The following GALK2 variants were observed in gnomAD, a reference collection of about 807,000 sequenced individuals.
The protein encoded by GALK2 is galactokinase 2.
In GALK2, 36 loss-of-function variants were observed where a neutral mutation model predicts 52.4. The observed-to-expected ratio is 0.69, with a 90% CI of 0.53 to 0.91. The LOEUF (loss-of-function observed/expected upper bound fraction) is 0.91. GALK2 is among the 40% of genes least tolerant of loss of function. The pLI is 0.00. For synonymous variants in GALK2, 176 were observed against 199.1 expected (o/e 0.88, Z 0.98); for missense variants, 579 against 559.1 (o/e 1.04, Z -0.36).
chr15:49,305,257 A>G (rs956281221), intron 8 of GALK2, among the ~76,000 whole-genome samples: 25 of 152,134 alleles, frequency 1.6e-4, no homozygotes, highest in Admixed American at 1.3e-4. Flanking sequence ...AAAAATAATG[A>G]CCTATTGTAT....
At chr15:49,266,331 T>A (rs1182717369) in intron 5 of GALK2, among the ~76,000 whole-genome samples, 2 of 152,110 alleles carry the variant, frequency 1.3e-5, no homozygotes, top group Non-Finnish European at 2.9e-5. Context: ...GAAACAGATT[T>A]CATCTTTTGA....
intron 4 of GALK2, among the ~76,000 whole-genome samples, chr15:49,236,260 G>A (rs2090800834): frequency 6.6e-6 from 1 of 152,076 alleles, no homozygotes; most frequent in Non-Finnish European, 1.5e-5. Context: ...TTATACTTGG[G>A]ATGTATAGGG....
At chr15:49,289,018 C>T (rs1011926759) in intron 7 of GALK2, among the ~76,000 whole-genome samples, 1 of 152,228 alleles carries the variant, frequency 6.6e-6, no homozygotes, top group Admixed American at 6.5e-5. Flanking sequence ...TGACTACCTC[C>T]TGACCTCAGT....
intron 9 of GALK2, chr15:49,327,387 C>CAA (rs2037694299): frequency 6.6e-6 from 1 of 152,182 alleles, no homozygotes; most frequent in Non-Finnish European, 1.5e-5. Flanking sequence ...TTTAATAACA[C>CAA]GCTTTTTGTT....
Position 49,217,230 on chromosome 15 carries a change from G to A in GALK2, c.183G>A (p.Met61Ile). 1.2e-6 allele frequency: 2 copies of A among 1,611,414 alleles called. No homozygotes were observed. The highest frequency in any genetic ancestry group is 1.7e-6 in the Non-Finnish European group (2 of 1,177,650). ...IDYCGYSVLP[M>I]AVEQDVLIAV... Reference sequence around the variant, plus strand: ...ATTGTGGATATTCTGTTCTTCCTATGGCTGTAGAACAAGATGTGCTAATAG... The same window carrying A: ...ATTGTGGATATTCTGTTCTTCCTATAGCTGTAGAACAAGATGTGCTAATAG... The change falls in exon 3 of 10, where the codon ATG (methionine) becomes ATA (isoleucine). Residue 61 changes from methionine (M) to isoleucine (I), a missense_variant. Coordinates refer to ENST00000560031, the MANE Select transcript of GALK2 (RefSeq NM_002044.4).
intron 8 of GALK2, among the ~76,000 whole-genome samples, chr15:49,295,693 C>T (rs932372302): frequency 3.3e-5 from 5 of 152,192 alleles, no homozygotes; most frequent in African/African-American, 1.2e-4. Context: ...GACCATTCCA[C>T]TTACTAATTG....
Position 49,178,195 on chromosome 15 carries a change from CTATATATATATA to C in GALK2, c.53+7841_53+7852del, listed in dbSNP as rs71120671. Among the ~76,000 whole-genome samples the C allele has an allele frequency of 1.3e-3, 67 of 50,528 alleles. 3 individuals are homozygous for C. The Admixed American group carries it at 0.014, about 10-fold the overall frequency. 33.1% of individuals were successfully genotyped at this position (50,528 alleles called of 152,430 possible). On this transcript the variant is annotated intron_variant, in intron 1 of 9. Coordinates refer to ENST00000560031, the MANE Select transcript of GALK2 (RefSeq NM_002044.4). ...AAAAAAAAAAAAAAAAAAAGAAATA[CTATATATATATA>C]TATATATATATATATATATAGAAAT...
intron 3 of GALK2, among the ~76,000 whole-genome samples, chr15:49,358,643 G>A (rs1446550611): frequency 4.0e-5 from 6 of 149,498 alleles, no homozygotes; most frequent in South Asian, 2.1e-4. Context: ...AATCAATATC[G>A]TGAAAATGGC....
At chr15:49,313,529 G>C (rs570001795) in intron 8 of GALK2, among the ~76,000 whole-genome samples, 1 of 152,304 alleles carries the variant, frequency 6.6e-6, no homozygotes, top group South Asian at 2.1e-4. Flanking sequence ...TCCCCAGCAA[G>C]CCCTGTCTTC....
rs114677835 is a variant in GALK2, at chr15:49,350,900, C to G, written c.427-16591C>G. 5.6e-3 allele frequency among the ~76,000 whole-genome samples: 853 copies of G among 152,284 alleles called. 6 individuals are homozygous for G. Among genetic ancestry groups the G allele is most frequent in the African/African-American group, 0.02 (812 of 41,570 alleles). ...AGACTGCTGATAGGCTCATCCTAAT[C>G]CACTGCATGGAACAGCTTTCCCCGT... On this transcript the variant is annotated intron_variant, in intron 3 of 3. Coordinates refer to the GALK2 transcript ENST00000558399.
intron 2 of GALK2, among the ~76,000 whole-genome samples, chr15:49,209,643 T>A (rs144031094): frequency 6.6e-6 from 1 of 152,330 alleles, no homozygotes; most frequent in Non-Finnish European, 1.5e-5. Context: ...ATTTTTGGAT[T>A]TGTGTATGTT....
chr15:49,340,091 TCCCTGGCTTCTGCC>T (rs551604939), intron 3 of GALK2, among the ~76,000 whole-genome samples: 1 of 152,264 alleles, frequency 6.6e-6, no homozygotes, highest in South Asian at 2.1e-4. Context: ...ACCACTTGGC[TCCCTGGCTTCTGCC>T]CCCTTTCCAG....
intron 5 of GALK2, among the ~76,000 whole-genome samples, chr15:49,257,610 C>A (rs2091867476): frequency 6.6e-6 from 1 of 152,018 alleles, no homozygotes; most frequent in Non-Finnish European, 1.5e-5. Context: ...TAAATATTTT[C>A]TAATTAAAGT....
intron 3 of GALK2, among the ~76,000 whole-genome samples, chr15:49,347,905 G>A (rs2041737690): frequency 1.3e-5 from 2 of 151,696 alleles, no homozygotes; most frequent in Non-Finnish European, 2.9e-5. Flanking sequence ...TGTAGTCCCA[G>A]CTACTCGGGA....
chr15:49,320,969 C>T (rs1267204933), intron 9 of GALK2, among the ~76,000 whole-genome samples: 1 of 152,162 alleles, frequency 6.6e-6, no homozygotes. Context: ...GGGCATTTGC[C>T]AGCTTCCTGG....
At chr15:49,313,796 G>T (rs1260289231) in intron 8 of GALK2, among the ~76,000 whole-genome samples, 1 of 152,178 alleles carries the variant, frequency 6.6e-6, no homozygotes, top group Non-Finnish European at 1.5e-5. Context: ...AGAAGATGAG[G>T]TAATAAAGAA....
At chr15:49,270,880 C>G (rs990998000) in intron 5 of GALK2, among the ~76,000 whole-genome samples, 1 of 152,162 alleles carries the variant, frequency 6.6e-6, no homozygotes, top group Non-Finnish European at 1.5e-5. Flanking sequence ...CCCCTCTCTT[C>G]TTGTCATTCT....
At chr15:49,360,439 C>T (rs1286999731) in intron 3 of GALK2, among the ~76,000 whole-genome samples, 5 of 152,118 alleles carry the variant, frequency 3.3e-5, no homozygotes, top group Non-Finnish European at 5.9e-5. Context: ...ACTACACCAA[C>T]ATTTTGGCTC....
intron 5 of GALK2, among the ~76,000 whole-genome samples, chr15:49,277,928 G>A (rs1347934186): frequency 6.6e-6 from 1 of 152,174 alleles, no homozygotes; most frequent in East Asian, 1.9e-4. Flanking sequence ...TATTTTGTGA[G>A]TAGAGACTCC....
Sources: allele counts gnomAD v4.1 joint callset (sites outside exome capture counted in the v4.1 genomes callset), GRCh38; gene constraint gnomAD v4.1.1; transcripts MANE v1.5; gene names NCBI Gene and HGNC (gene_info 2026-07-23, HGNC 2026-07-21).